SSUH2: variants seen among roughly 807,000 people sequenced by gnomAD.
SSUH2 encodes the protein protein SSUH2 homolog.
In SSUH2, 47 loss-of-function variants were observed where a neutral mutation model predicts 55.3. That is an observed-to-expected ratio of 0.85 (90% CI 0.67 to 1.08). SSUH2 has a LOEUF of 1.08. Among genes scored for constraint, SSUH2 ranks in the 50% least tolerant of loss-of-function variants. The pLI is 0.00. For missense variants in SSUH2, 535 were observed against 490.7 expected, an observed-to-expected ratio of 1.09 and a Z score of -0.85; for synonymous variants, 212 against 191.5, an observed-to-expected ratio of 1.11 and a Z score of -0.89.
rs1304744014 is a variant in SSUH2, at chr3:8,678,672, G to A, written c.-901+1033C>T. 1.8e-3 allele frequency among the ~76,000 whole-genome samples: 92 copies of A among 50,952 alleles called. 11 individuals are homozygous for A. Among genetic ancestry groups the A allele is most frequent in the African/African-American group, 4.1e-3 (61 of 14,828 alleles). The allele number at this position is 50,952 out of a possible 152,430, so 33.4% of individuals were successfully genotyped here. A position where few individuals can be genotyped will look rare whatever the true frequency, so the allele number is the denominator to read the frequency against. On this transcript the variant is annotated intron_variant, in intron 2 of 18. Coordinates refer to the SSUH2 transcript ENST00000317371. Reference sequence around the variant, plus strand: ...TGGGGGGAGGCACCCCCCGCGAGGCGGGGATTGAGAGCCAGCCACTCTTCC... The same window carrying A: ...TGGGGGGAGGCACCCCCCGCGAGGCAGGGATTGAGAGCCAGCCACTCTTCC...
intron 5 of SSUH2, among the ~76,000 whole-genome samples, chr3:8,664,326 C>A (rs747775906): frequency 1.3e-5 from 2 of 152,222 alleles, no homozygotes; most frequent in East Asian, 1.9e-4. Flanking sequence ...ATCCATGGGG[C>A]AGGAATGCCA....
At chr3:8,634,409 T>C (rs1699539752) in intron 3 of SSUH2, 3 of 1,290,778 alleles carry the variant, frequency 2.3e-6, no homozygotes, top group Non-Finnish European at 3.0e-6. Context: ...GAAGTCTTTC[T>C]GGCCCCAACA....
Position 8,665,639 on chromosome 3 carries a change from T to TC in SSUH2, c.-454-1838dup, listed in dbSNP as rs532226935. 6.6e-5 allele frequency among the ~76,000 whole-genome samples: 10 copies of TC among 151,216 alleles called. No individual in the cohort carries two copies. The South Asian group carries it at 1.5e-3, about 22-fold the overall frequency. The stretch of plus-strand genomic sequence containing the variant: ...CCTCAAAACCTTCTGCAACCCAAAG[T>TC]CCCCCCCGTTCACCAACGCAAAAGC... On this transcript the variant is annotated intron_variant, in intron 5 of 18. Transcript: ENST00000317371.
chr3:8,630,944 G>T lies in SSUH2; in HGVS notation c.401-15C>A. On this transcript the variant is annotated splice_polypyrimidine_tract_variant and intron_variant, in intron 5 of 11. Transcript: ENST00000544814. ...CACAGAGTGGTCTGACACAGAAAGG[G>T]GTCATTGTAAGAATGACGAAGGGCA... The T allele has an allele frequency of 7.3e-7, 1 of 1,376,228 alleles. No homozygotes were observed. The highest frequency in any genetic ancestry group is 2.8e-5 in the East Asian group (1 of 36,338). The allele number at this position is 1,376,228 out of a possible 1,614,324, so 85.3% of individuals were successfully genotyped here.
At chr3:8,678,242 C>A (rs1705574019) in intron 2 of SSUH2, among the ~76,000 whole-genome samples, 1 of 152,094 alleles carries the variant, frequency 6.6e-6, no homozygotes. Context: ...GGGGTGTATA[C>A]TTACGGTGAT....
In SSUH2 at chr3:8,624,989, C is replaced by T. The variant is rs140893837; in HGVS notation, c.873+553G>A. On this transcript the variant is annotated intron_variant, in intron 10 of 11. Coordinates refer to ENST00000544814, the MANE Select transcript of SSUH2 (RefSeq NM_001256748.3). ...CACTTCCACAAAGAGGCTTTCCCAC[C>T]TCCAGCTGGAACGACACTGCCACCC... is the stretch of plus-strand genomic sequence containing the variant. Among the ~76,000 whole-genome samples, 43 of 152,242 alleles carry T rather than the reference C, an allele frequency of 2.8e-4. No individual in the cohort carries two copies. In the East Asian group the frequency reaches 8.2e-3, roughly 29 times the overall value.
In SSUH2 at chr3:8,625,665, G is replaced by C; in HGVS notation, c.768-18C>G. The C allele has an allele frequency of 6.4e-7, 1 of 1,565,672 alleles. No individual in the cohort carries two copies. Among genetic ancestry groups the C allele is most frequent in the Non-Finnish European group, 8.8e-7 (1 of 1,136,258 alleles). ...TGTTCTTCCTGGAGGGAAGGAGGAT[G>C]AGGGATGAAAGCACACAGTGTGGCA... On this transcript the variant is annotated intron_variant, in intron 9 of 11. Coordinates refer to ENST00000544814, the MANE Select transcript of SSUH2 (RefSeq NM_001256748.3).
At chr3:8,635,200 C>T (rs1699715475) in intron 3 of SSUH2, 100 bp downstream of exon 3, 1 of 993,802 alleles carries the variant, frequency 1.0e-6, no homozygotes, top group Non-Finnish European at 1.5e-6. Context: ...TGCAGACGGC[C>T]CCCTCCAGGG....
rs79333654 is a variant in SSUH2 at position 8,629,505 on chromosome 3, T to C, written c.588+159A>G. 5,176 of 631,306 alleles carry C rather than the reference T, an allele frequency of 8.2e-3. 209 individuals carry two copies. In the African/African-American group the frequency reaches 0.085, roughly 10 times the overall value. The allele number at this position is 631,306 out of a possible 1,614,324, so 39.1% of individuals were successfully genotyped here. A position where few individuals can be genotyped will look rare whatever the true frequency, so the allele number is the denominator to read the frequency against. Reference sequence around the variant, plus strand: ...GACCACACAACCCCACTTTTTCATTTTATAGACGGGAAAATGGAGGCCCAG... The same window carrying C: ...GACCACACAACCCCACTTTTTCATTCTATAGACGGGAAAATGGAGGCCCAG... On this transcript the variant is annotated intron_variant, in intron 7 of 11. Transcript: ENST00000544814.
chr3:8,623,088 C>T (rs73141754), intron 11 of SSUH2, among the ~76,000 whole-genome samples: 4,313 of 152,260 alleles, frequency 0.028, 200 homozygotes, highest in African/African-American at 0.097. Context: ...CAGCCACCAC[C>T]GCCACCTTGT....
chr3:8,634,442 C>T (rs1037288901), intron 3 of SSUH2: 54 of 1,290,232 alleles, frequency 4.2e-5, no homozygotes, highest in Non-Finnish European at 5.5e-5. Context: ...AAGAATCCTC[C>T]TTCCTCCCCT....
intron 1 of SSUH2, among the ~76,000 whole-genome samples, chr3:8,680,852 CCGTATCTG>C: frequency 6.6e-6 from 1 of 151,980 alleles, no homozygotes; most frequent in African/African-American, 2.4e-5. Context: ...TTATGGGGAG[CCGTATCTG>C]TCTATTATGG....
intron 7 of SSUH2, among the ~76,000 whole-genome samples, chr3:8,650,378 T>A (rs1702256740): frequency 6.6e-6 from 1 of 152,236 alleles, no homozygotes; most frequent in Non-Finnish European, 1.5e-5. Context: ...TGCTGTATAC[T>A]TAGCACTGTG....
At chr3:8,629,483 C>A (rs1055149129) in intron 7 of SSUH2, 181 bp downstream of exon 7, 1 of 598,462 alleles carries the variant, frequency 1.7e-6, no homozygotes, top group African/African-American at 1.9e-5. Flanking sequence ...CATTAGAGAC[C>A]ACACAACCCC....
chr3:8,675,579 G>C (rs183095524), intron 3 of SSUH2, among the ~76,000 whole-genome samples: 4 of 123,220 alleles, frequency 3.2e-5, no homozygotes, highest in Non-Finnish European at 5.2e-5. Context: ...CACAGGGGTC[G>C]GAACGCAGCC....
chr3:8,673,265 C>G (rs1006184564), intron 3 of SSUH2, among the ~76,000 whole-genome samples: 5 of 152,024 alleles, frequency 3.3e-5, no homozygotes, highest in African/African-American at 9.7e-5. Context: ...TTGATTTTAA[C>G]AATTACATGA....
chr3:8,680,490 C>G (rs1705869627), intron 1 of SSUH2, among the ~76,000 whole-genome samples: 1 of 151,996 alleles, frequency 6.6e-6, no homozygotes, highest in Admixed American at 6.5e-5. Flanking sequence ...CCTCTTCCTC[C>G]CTGAATATTA....
intron 5 of SSUH2, among the ~76,000 whole-genome samples, chr3:8,668,695 C>A (rs1704225559): frequency 6.6e-6 from 1 of 152,122 alleles, no homozygotes; most frequent in Non-Finnish European, 1.5e-5. Context: ...AAAAATCAGA[C>A]AAATCAATAT....
chr3:8,666,708 A>G (rs1407803302), intron 5 of SSUH2, among the ~76,000 whole-genome samples: 1 of 152,124 alleles, frequency 6.6e-6, no homozygotes, highest in Non-Finnish European at 1.5e-5. Context: ...CAATTCCAAC[A>G]CGATTTACCC....
Sources: allele counts gnomAD v4.1 joint callset (sites outside exome capture counted in the v4.1 genomes callset), GRCh38; gene constraint gnomAD v4.1.1; transcripts MANE v1.5; gene names NCBI Gene and HGNC (gene_info 2026-07-23, HGNC 2026-07-21).